Variants in ZNF454 observed in about 807,000 individuals in gnomAD.
The protein encoded by ZNF454 is zinc finger protein 454.
ZNF454 carries 30 observed loss-of-function variants against 48.2 expected under a neutral mutation model. The observed-to-expected ratio is 0.62, with a 90% CI of 0.47 to 0.84. ZNF454 has a LOEUF of 0.84. Among genes scored for constraint, ZNF454 ranks in the 40% least tolerant of loss-of-function variants. ZNF454 has a pLI of 0.00. For synonymous variants in ZNF454, 204 were observed against 211.4 expected (o/e 0.97, Z 0.30); for missense variants, 510 against 623.1 (o/e 0.82, Z 1.93).
At chr5:178,975,974 G>A in the ZNF454 span, 1 of 341,890 alleles carries the variant, frequency 2.9e-6, no homozygotes, top group Non-Finnish European at 5.9e-6. Context: ...GTTCTCTGGA[G>A]AGCCCTGACT....
At chr5:178,945,461 G>A (rs1485712482) in intron 2 of ZNF454, among the ~76,000 whole-genome samples, 1 of 148,940 alleles carries the variant, frequency 6.7e-6, no homozygotes, top group Non-Finnish European at 1.5e-5. Flanking sequence ...TGTGGGGGGG[G>A]TGTGTCGTGT....
intron 4 of ZNF454, among the ~76,000 whole-genome samples, chr5:178,959,643 T>C (rs979040878): frequency 1.3e-5 from 2 of 152,192 alleles, no homozygotes; most frequent in Non-Finnish European, 2.9e-5. Flanking sequence ...TCTCGCTCTG[T>C]TGCCCAGGCT....
chr5:178,975,912 A>G, the ZNF454 span, among the ~76,000 whole-genome samples: 2 of 152,096 alleles, frequency 1.3e-5, no homozygotes, highest in African/African-American at 2.4e-5. Flanking sequence ...CTCTCTCTCT[A>G]TATCTTTATC....
At chr5:178,956,390 A>T (rs1759747271) in intron 4 of ZNF454, among the ~76,000 whole-genome samples, 2 of 152,102 alleles carry the variant, frequency 1.3e-5, no homozygotes, top group Admixed American at 1.3e-4. Flanking sequence ...CAGTGGGAAG[A>T]CTAACGTCCT....
chr5:178,988,815 C>A, the ZNF454 span: 9 of 768,056 alleles, frequency 1.2e-5, no homozygotes, highest in Non-Finnish European at 2.0e-5. The surrounding 1 kb of genome is among the most constrained non-coding windows in gnomAD (Gnocchi z 6.0). Context: ...GCCCCAGGCA[C>A]CCCCATTAGA....
rs1759245317 is a variant in ZNF454, at chr5:178,944,788, GCTCC to G, written c.34-1568_34-1565del. On this transcript the variant is annotated intron_variant, in intron 2 of 4. Coordinates refer to ENST00000519564, the MANE Select transcript of ZNF454 (RefSeq NM_001178089.3). This position sits in a 1 kb window ranked among gnomAD's most constrained non-coding sequence, Gnocchi z 4.1. ...ACCTCTTTTTTCTCAGTGAACACCA[GCTCC>G]CTTAACTTCTCAGCCAACTGGGAAG... Among the ~76,000 whole-genome samples, 1 of 152,178 alleles carries G rather than the reference GCTCC, an allele frequency of 6.6e-6. No homozygotes were observed. Among genetic ancestry groups the G allele is most frequent in the Admixed American group, 6.5e-5 (1 of 15,276 alleles).
chr5:178,989,343 C>G, the ZNF454 span: 2 of 1,613,938 alleles, frequency 1.2e-6, no homozygotes, highest in Non-Finnish European at 1.7e-6. Context: ...TCCCAGAACT[C>G]GGCGAACCAG....
At chr5:178,960,781 G>T (rs1047426681) in intron 4 of ZNF454, among the ~76,000 whole-genome samples, 1 of 151,598 alleles carries the variant, frequency 6.6e-6, no homozygotes. Context: ...CTCCAATACT[G>T]TGTGATTTGT....
the ZNF454 span, chr5:178,983,344 C>T: frequency 5.8e-6 from 5 of 857,284 alleles, no homozygotes; most frequent in Non-Finnish European, 9.5e-6. Context: ...GGATGCTCCA[C>T]CTCTTCGTGG....
rs1312070480 is a variant in ZNF454, at chr5:178,965,376, A to T, written c.972A>T (p.Gly324=). The T allele has an allele frequency of 1.9e-6, 3 of 1,614,216 alleles. No homozygotes were observed. Among genetic ancestry groups the T allele is most frequent in the Non-Finnish European group, 1.7e-6 (2 of 1,180,044 alleles). ...HLTKHQNIHS[G]EKPYKCNECG... is the part of the protein sequence containing the mutation. ...CCAAACACCAGAATATCCACAGTGG[A>T]GAGAAACCCTATAAATGCAATGAAT... The change falls in exon 5 of 5, where the codon GGA becomes GGT. Residue 324 remains glycine, a synonymous_variant. Transcript: ENST00000519564. The surrounding 1 kb of genome is among the most constrained non-coding windows in gnomAD (Gnocchi z 5.2).
rs538730696 is a variant in ZNF454, at chr5:178,961,662, A to C, written c.251-2993A>C. Reference sequence around the variant, plus strand: ...GAAACCCTGTCTCTAGTAAAACACAAAAAAAAAATTAGCTGGGCATGGCAG... The same window carrying C: ...GAAACCCTGTCTCTAGTAAAACACACAAAAAAAATTAGCTGGGCATGGCAG... On this transcript the variant is annotated intron_variant, in intron 4 of 4. Coordinates refer to ENST00000519564, the MANE Select transcript of ZNF454 (RefSeq NM_001178089.3). 1.1e-3 allele frequency among the ~76,000 whole-genome samples: 168 copies of C among 150,276 alleles called. 1 individual carries two copies. Among genetic ancestry groups the C allele is most frequent in the Admixed American group, 1.5e-3 (23 of 14,878 alleles).
rs1402787232 is a variant in ZNF454, at chr5:178,965,048, G to T, written c.644G>T (p.Arg215Ile). 4 of 1,614,176 alleles carry T rather than the reference G, an allele frequency of 2.5e-6. No homozygotes were observed. The highest frequency in any genetic ancestry group is 1.7e-6 in the Non-Finnish European group (2 of 1,180,032). Residue 215 changes from arginine (R) to isoleucine (I), a missense_variant, in exon 5 of 5, where the codon AGA (arginine) becomes ATA (isoleucine). Physicochemically the swap from Arg to Ile is moderately conservative, Grantham distance 97 (BLOSUM62 -3). Transcript: ENST00000519564. This position sits in a 1 kb window ranked among gnomAD's most constrained non-coding sequence, Gnocchi z 5.2. ...CAGAAAATTCATATTAAGGAGAAAA[G>T]ATATGAATGTAGAGAATGTGGGAAA... ...ANQKIHIKEKRYECRECGKAF... is the reference protein window; with the variant it reads ...ANQKIHIKEKIYECRECGKAF...
intron 4 of ZNF454, among the ~76,000 whole-genome samples, chr5:178,963,184 T>G (rs1333711005): frequency 6.6e-6 from 1 of 151,834 alleles, no homozygotes; most frequent in African/African-American, 2.4e-5. Context: ...TCTGCCTGGG[T>G]GACATCTGAT....
chr5:178,977,513 G>A, the ZNF454 span: 6 of 355,798 alleles, frequency 1.7e-5, no homozygotes, highest in South Asian at 1.0e-4. Flanking sequence ...AGCCTGAATA[G>A]AGTAAAACAG....
downstream of ZNF454, among the ~76,000 whole-genome samples, chr5:178,969,936 C>T (rs1296423596): frequency 6.6e-6 from 1 of 152,204 alleles, no homozygotes; most frequent in East Asian, 1.9e-4. Flanking sequence ...GGGTGCCCCT[C>T]ATCTCCAGCT....
the ZNF454 span, chr5:178,986,408 C>T: frequency 9.1e-5 from 147 of 1,613,678 alleles, no homozygotes; most frequent in Non-Finnish European, 1.1e-4. Flanking sequence ...GAGGCCCGGA[C>T]GATGGGCGTG....
chr5:178,968,964 G>C (rs149744489), downstream of ZNF454: 1 of 430,028 alleles, frequency 2.3e-6, no homozygotes, highest in Non-Finnish European at 4.7e-6. Context: ...CCCTGAGTTC[G>C]CCTCTCATCA....
intron 4 of ZNF454, among the ~76,000 whole-genome samples, chr5:178,954,093 T>C (rs1199265921): frequency 3.9e-5 from 6 of 152,054 alleles, no homozygotes; most frequent in Admixed American, 3.9e-4. Flanking sequence ...ACCCCATCTC[T>C]ATAAAAATAC....
the ZNF454 span, among the ~76,000 whole-genome samples, chr5:178,972,893 C>T: frequency 6.6e-6 from 1 of 151,914 alleles, no homozygotes; most frequent in Non-Finnish European, 1.5e-5. Context: ...GTACCAGCTG[C>T]ATAACTATAC....
Sources: gnomAD v4.1 joint callset for allele counts (sites outside exome capture counted in the v4.1 genomes callset) on GRCh38, gnomAD v4.1.1 for gene constraint, Gnocchi (gnomAD v3.1) non-coding constraint, MANE v1.5 for transcripts, NCBI Gene and HGNC (gene_info 2026-07-23, HGNC 2026-07-21) for gene names.